The following SLC39A9 variants were observed in gnomAD, a reference collection of about 807,000 sequenced individuals.
SLC39A9 encodes the protein solute carrier family 39 member 9, also known as zinc transporter ZIP9.
SLC39A9 carries 14 observed loss-of-function variants against 28.4 expected under a neutral mutation model. The observed-to-expected ratio is 0.49, with a 90% CI of 0.33 to 0.77. SLC39A9 has a LOEUF of 0.77. Ranked by LOEUF, SLC39A9 falls within the 30% of genes least tolerant of loss-of-function variation. The probability of loss-of-function intolerance (pLI) is 0.02; values close to 1 mark genes in which losing one functional copy is unlikely to be tolerated. For missense variants in SLC39A9, 283 were observed against 381.1 expected (o/e 0.74, Z 2.14); for synonymous variants, 119 against 149.6 (o/e 0.80, Z 1.49).
intron 4 of SLC39A9, 103 bp downstream of exon 4, chr14:69,453,412 C>G (rs111378848): frequency 9.4e-7 from 1 of 1,059,870 alleles, no homozygotes; most frequent in Non-Finnish European, 1.4e-6. Context: ...CTTGGACTGG[C>G]CTTTGAGGAA....
At chr14:69,424,928 A>C (rs1884106565) in intron 2 of SLC39A9, among the ~76,000 whole-genome samples, 1 of 152,216 alleles carries the variant, frequency 6.6e-6, no homozygotes. Flanking sequence ...GGCACTTCCA[A>C]ATTTCTTACT....
chr14:69,420,888 T>C (rs551470294), intron 1 of SLC39A9, among the ~76,000 whole-genome samples: 1 of 152,372 alleles, frequency 6.6e-6, no homozygotes, highest in Non-Finnish European at 1.5e-5. Flanking sequence ...TCGTTAGCCA[T>C]GCGTCTAATC....
intron 3 of SLC39A9, among the ~76,000 whole-genome samples, chr14:69,450,182 C>G (rs1381374733): frequency 6.6e-6 from 1 of 151,300 alleles, no homozygotes; most frequent in Non-Finnish European, 1.5e-5. Flanking sequence ...ATGCAAGATT[C>G]CATCTCAAAA....
rs1295334628 is a variant in SLC39A9, at chr14:69,418,865, C to G, written c.97-5229C>G. 4.6e-5 allele frequency among the ~76,000 whole-genome samples: 7 copies of G among 152,276 alleles called. No homozygotes were observed. The East Asian group carries it at 1.4e-3, about 29-fold the overall frequency. ...GGATCAGTGGTGATATCCCCTTTATCATTTTTTATTGCATCTATTTGATTC... is the reference window on the plus strand; with the variant it reads ...GGATCAGTGGTGATATCCCCTTTATGATTTTTTATTGCATCTATTTGATTC... On this transcript the variant is annotated intron_variant, in intron 1 of 6. Transcript: ENST00000336643.
intron 3 of SLC39A9, among the ~76,000 whole-genome samples, chr14:69,450,728 C>T (rs547240568): frequency 1.3e-3 from 205 of 152,282 alleles, no homozygotes; most frequent in African/African-American, 4.7e-3. Context: ...GAGCTGTGAT[C>T]GCACCACTTC....
chr14:69,399,355 A>G lies in SLC39A9; in HGVS notation c.-15A>G. On this transcript the variant is annotated 5_prime_UTR_variant, in exon 1 of 7. Transcript: ENST00000336643. ...TTTGTTGTCTAGTGGTTGTGGGTGA[A>G]TAAAGGAGGGCAGAATGGATGATTT... The G allele has an allele frequency of 1.9e-6, 3 of 1,612,326 alleles. No individual in the cohort carries two copies. Among genetic ancestry groups the G allele is most frequent in the Non-Finnish European group, 2.5e-6 (3 of 1,178,872 alleles).
chr14:69,402,041 C>T (rs532944222), intron 1 of SLC39A9, among the ~76,000 whole-genome samples: 14 of 152,242 alleles, frequency 9.2e-5, no homozygotes, highest in African/African-American at 3.4e-4. Context: ...CAAACTCCTA[C>T]ACTGGATAAA....
intron 2 of SLC39A9, among the ~76,000 whole-genome samples, chr14:69,428,110 T>A (rs1884293910): frequency 1.3e-5 from 2 of 152,072 alleles, no homozygotes; most frequent in South Asian, 4.1e-4. Flanking sequence ...AAACCCCATC[T>A]CTACTAAAAA....
At position 69,436,949 on chromosome 14, in the gene SLC39A9, G is replaced by A. The variant is rs200285970; in HGVS notation, c.206-5120G>A. On this transcript the variant is annotated intron_variant, in intron 2 of 6. Transcript: ENST00000336643. ...TTCAGACCACTGGGATCCCTTGCTA[G>A]CTCCGCCTCCCGGGTTCATGCCATT... is the stretch of plus-strand genomic sequence containing the variant. Among the ~76,000 whole-genome samples the A allele has an allele frequency of 2.3e-4, 35 of 152,222 alleles. No individual in the cohort carries two copies. The East Asian group carries it at 6.6e-3, about 29-fold the overall frequency.
chr14:69,460,394 G>A lies in SLC39A9; in HGVS notation c.*1801G>A. 1.0e-6 allele frequency: 1 copy of A among 985,500 alleles called. No homozygotes were observed. Among genetic ancestry groups the A allele is most frequent in the Non-Finnish European group, 1.2e-6 (1 of 829,950 alleles). The allele number at this position is 985,500 out of a possible 1,614,324, so 61.0% of individuals were successfully genotyped here. On this transcript the variant is annotated 3_prime_UTR_variant, in exon 7 of 7. Transcript: ENST00000336643. ...ATTGCATACAATTTTACTACCAAGA[G>A]AAGGTATAGTATGGAAAGTCCAAAT...
chr14:69,444,594 G>A (rs1238875923), intron 3 of SLC39A9, among the ~76,000 whole-genome samples: 1 of 152,112 alleles, frequency 6.6e-6, no homozygotes, highest in Non-Finnish European at 1.5e-5. Context: ...AGAGGAATTT[G>A]GCAGTATCTT....
At chr14:69,414,245 G>A (rs940171509) in intron 1 of SLC39A9, among the ~76,000 whole-genome samples, 19 of 151,928 alleles carry the variant, frequency 1.3e-4, no homozygotes, top group African/African-American at 9.7e-5. Flanking sequence ...ACAGGGTTTC[G>A]CCATGCTGGC....
At chr14:69,438,397 G>C (rs1884885490) in intron 2 of SLC39A9, among the ~76,000 whole-genome samples, 1 of 152,172 alleles carries the variant, frequency 6.6e-6, no homozygotes, top group Non-Finnish European at 1.5e-5. Flanking sequence ...TGTTACTACA[G>C]CCTATGGTTT....
chr14:69,452,089 A>G (rs1885639025), intron 3 of SLC39A9, among the ~76,000 whole-genome samples: 1 of 152,158 alleles, frequency 6.6e-6, no homozygotes, highest in African/African-American at 2.4e-5. Flanking sequence ...TTTTGGCTTA[A>G]CAAGCTGAGA....
Position 69,461,733 on chromosome 14 carries a change from A to G in SLC39A9, c.*3140A>G. ...AGAGGACACACCAGCATCGGAGTGT[A>G]TTAAGCCCCTGAAACACATGGTAGC... On this transcript the variant is annotated 3_prime_UTR_variant, in exon 7 of 7. Coordinates refer to ENST00000336643, the MANE Select transcript of SLC39A9 (RefSeq NM_018375.5). 1 of 1,535,832 alleles carries G rather than the reference A, an allele frequency of 6.5e-7. No individual in the cohort carries two copies. The highest frequency in any genetic ancestry group is 8.7e-7 in the Non-Finnish European group (1 of 1,146,776).
intron 1 of SLC39A9, among the ~76,000 whole-genome samples, chr14:69,417,471 T>C (rs1412781264): frequency 2.6e-5 from 4 of 152,178 alleles, no homozygotes; most frequent in African/African-American, 9.7e-5. Context: ...TTTTTGGTTC[T>C]ATATGAACTT....
At chr14:69,414,938 T>C (rs1041040564) in intron 1 of SLC39A9, among the ~76,000 whole-genome samples, 1 of 152,238 alleles carries the variant, frequency 6.6e-6, no homozygotes, top group Non-Finnish European at 1.5e-5. Context: ...CACTCAAACA[T>C]CAGGAAAATG....
intron 6 of SLC39A9, among the ~76,000 whole-genome samples, chr14:69,457,135 G>T (rs1229507944): frequency 6.6e-6 from 1 of 151,848 alleles, no homozygotes; most frequent in East Asian, 1.9e-4. Flanking sequence ...TAACAGAAAA[G>T]GTTGAAATTA....
intron 1 of SLC39A9, among the ~76,000 whole-genome samples, chr14:69,402,197 TACACTA>T (rs1360533364): frequency 3.3e-5 from 5 of 149,902 alleles, no homozygotes; most frequent in African/African-American, 7.4e-5. Context: ...ACACATAAAA[TACACTA>T]ACACTAAGAT....
Sources: allele counts gnomAD v4.1 joint callset (sites outside exome capture counted in the v4.1 genomes callset), GRCh38; gene constraint gnomAD v4.1.1; transcripts MANE v1.5; gene names NCBI Gene and HGNC (gene_info 2026-07-23, HGNC 2026-07-21).